ADAMTS16: variants seen among roughly 807,000 people sequenced by gnomAD.
ADAMTS16 encodes ADAM metallopeptidase with thrombospondin type 1 motif 16, also known as A disintegrin and metalloproteinase with thrombospondin motifs 16.
A neutral mutation model predicts 145.8 loss-of-function variants in ADAMTS16; 94 were observed. The ratio of observed to expected loss-of-function variants is 0.64; its 90% CI spans 0.55 to 0.77. The LOEUF (loss-of-function observed/expected upper bound fraction) is 0.77. ADAMTS16 is among the 30% of genes least tolerant of loss of function. ADAMTS16 has a pLI of 0.00. For synonymous variants in ADAMTS16, 659 were observed against 604.3 expected, an observed-to-expected ratio of 1.09 and a Z score of -1.33; for missense variants, 1,585 against 1,591.5, an observed-to-expected ratio of 1.00 and a Z score of 0.07.
At chr5:5,215,925 TTTGTCCAC>T (rs1468383628) in intron 10 of ADAMTS16, among the ~76,000 whole-genome samples, 1 of 142,050 alleles carries the variant, frequency 7.0e-6, no homozygotes, top group Non-Finnish European at 1.5e-5. Flanking sequence ...TCACAGTTTC[TTTGTCCAC>T]TTGTTGATTG....
At chr5:5,148,222 G>A (rs1734355810) in intron 3 of ADAMTS16, among the ~76,000 whole-genome samples, 1 of 152,120 alleles carries the variant, frequency 6.6e-6, no homozygotes, top group Non-Finnish European at 1.5e-5. Context: ...TTTGTCCATA[G>A]ATGGTCACTA....
chr5:5,318,005 C>A, intron 21 of ADAMTS16, 129 bp from the exon 22 acceptor site: 1 of 1,068,596 alleles, frequency 9.4e-7, no homozygotes, highest in Non-Finnish European at 1.2e-6. Context: ...CTCCACCTGC[C>A]TCTGCGACTA....
At chr5:5,284,082 G>C (rs529934700) in intron 18 of ADAMTS16, among the ~76,000 whole-genome samples, 1 of 152,156 alleles carries the variant, frequency 6.6e-6, no homozygotes, top group African/African-American at 2.4e-5. Flanking sequence ...CTATATGACT[G>C]TCTTCTTTTT....
intron 14 of ADAMTS16, among the ~76,000 whole-genome samples, chr5:5,237,945 GT>G (rs1336202939): frequency 6.6e-6 from 1 of 152,172 alleles, no homozygotes; most frequent in African/African-American, 2.4e-5. Context: ...AGACAATGGG[GT>G]TTCAAATGAA....
intron 18 of ADAMTS16, among the ~76,000 whole-genome samples, chr5:5,284,151 T>G (rs982184407): frequency 1.3e-5 from 2 of 152,244 alleles, no homozygotes; most frequent in African/African-American, 4.8e-5. Context: ...TATAGTTGCC[T>G]CTACAATTTA....
intron 3 of ADAMTS16, among the ~76,000 whole-genome samples, chr5:5,165,063 T>C (rs1375948150): frequency 1.3e-5 from 2 of 152,086 alleles, no homozygotes; most frequent in African/African-American, 4.8e-5. Context: ...AGTTCAGTCT[T>C]AGATTATTTC....
At chr5:5,181,580 A>G (rs1735340414) in intron 3 of ADAMTS16, among the ~76,000 whole-genome samples, 1 of 152,230 alleles carries the variant, frequency 6.6e-6, no homozygotes, top group Admixed American at 6.5e-5. Flanking sequence ...AGAAAGTGTT[A>G]CATTTGCTTT....
intron 3 of ADAMTS16, among the ~76,000 whole-genome samples, chr5:5,155,111 G>A (rs1307769305): frequency 6.6e-6 from 1 of 152,198 alleles, no homozygotes; most frequent in East Asian, 1.9e-4. Context: ...GAGGTTTAAC[G>A]AGAGCAGCCT....
intron 8 of ADAMTS16, among the ~76,000 whole-genome samples, chr5:5,194,574 A>G (rs1415370788): frequency 6.6e-6 from 1 of 152,210 alleles, no homozygotes; most frequent in Non-Finnish European, 1.5e-5. Context: ...TTTCAAATGA[A>G]TTGTTAGCTG....
chr5:5,220,284 C>T lies in ADAMTS16; in HGVS notation c.1606-2505C>T, dbSNP rs183447515. Among the ~76,000 whole-genome samples the T allele has an allele frequency of 7.6e-3, 1,150 of 150,808 alleles. 15 individuals carry two copies. The highest frequency in any genetic ancestry group is 0.026 in the African/African-American group (1,053 of 41,060). On this transcript the variant is annotated intron_variant, in intron 10 of 22. Coordinates refer to ENST00000274181, the MANE Select transcript of ADAMTS16 (RefSeq NM_139056.4). ...ACGCCATTCTCCTGACTCAGCCTCC[C>T]GAGTAGCTGGGACTACAGGCACCCG...
intron 18 of ADAMTS16, among the ~76,000 whole-genome samples, chr5:5,272,224 C>A (rs754086217): frequency 1.8e-4 from 28 of 152,160 alleles, no homozygotes; most frequent in Non-Finnish European, 3.1e-4. Context: ...ATTTAATTAT[C>A]TAAGTAGCTG....
chr5:5,249,446 G>T (rs527408127), intron 17 of ADAMTS16, among the ~76,000 whole-genome samples: 1 of 152,050 alleles, frequency 6.6e-6, no homozygotes, highest in African/African-American at 2.4e-5. Context: ...CATGAGACCC[G>T]TGAAGGGGGT....
In ADAMTS16 at chr5:5,182,045, C is replaced by A; in HGVS notation, c.503C>A (p.Ser168Ter). 6.3e-7 allele frequency: 1 copy of A among 1,585,386 alleles called. No homozygotes were observed. The highest frequency in any genetic ancestry group is 1.1e-5 in the South Asian group (1 of 87,422). The change falls in exon 4 of 23, where the codon TCA becomes TAA. Residue 168 changes from serine to a stop codon, truncating the protein, a stop_gained and splice_region_variant. Transcript: ENST00000274181. LOFTEE classifies it high-confidence loss of function. ...TTTCTTTCCTTTTATTTTTTCCAGTCAGGCATGATACGAACAGAAGAGGCA... is the reference window on the plus strand; with the variant it reads ...TTTCTTTCCTTTTATTTTTTCCAGTAAGGCATGATACGAACAGAAGAGGCA... ...SVALSTCQGL[S>*]GMIRTEEADY...
rs367874579 is a variant in ADAMTS16 at position 5,232,575 on chromosome 5, C to T, written c.1850+59C>T. 1.6e-4 allele frequency: 249 copies of T among 1,564,420 alleles called. No individual in the cohort carries two copies. In the African/African-American group the frequency reaches 3.0e-3, roughly 19 times the overall value. ...ACTGATTTCCATGCCATGAACCCTC[C>T]AAGCAGTATGCCTGTGTCTCAGCTC... On this transcript the variant is annotated intron_variant, in intron 12 of 22. Transcript: ENST00000274181.
At chr5:5,196,971 G>T (rs1735822771) in intron 8 of ADAMTS16, among the ~76,000 whole-genome samples, 1 of 152,168 alleles carries the variant, frequency 6.6e-6, no homozygotes, top group South Asian at 2.1e-4. Flanking sequence ...ATTTCCCTCA[G>T]TTCCCCGCAA....
intron 10 of ADAMTS16, among the ~76,000 whole-genome samples, chr5:5,211,303 A>C (rs1281635173): frequency 2.0e-5 from 3 of 152,172 alleles, no homozygotes; most frequent in African/African-American, 7.2e-5. Flanking sequence ...ATTTCATTGG[A>C]AAAAGTAAAG....
In ADAMTS16 at chr5:5,151,151, A is replaced by C. The variant is rs1230566160; in HGVS notation, c.501+4696A>C. Among the ~76,000 whole-genome samples the C allele has an allele frequency of 2.6e-5, 4 of 151,812 alleles. No individual in the cohort carries two copies. The South Asian group carries it at 6.2e-4, about 24-fold the overall frequency. On this transcript the variant is annotated intron_variant, in intron 3 of 22. Coordinates refer to ENST00000274181, the MANE Select transcript of ADAMTS16 (RefSeq NM_139056.4). The stretch of plus-strand genomic sequence containing the variant: ...CAAAATTTTTATTTCTTTCTTTTAA[A>C]AATGTACCTTCATTCAAATTCTCTG...
intron 8 of ADAMTS16, among the ~76,000 whole-genome samples, chr5:5,192,914 C>T (rs2126579508): frequency 6.6e-6 from 1 of 152,276 alleles, no homozygotes; most frequent in South Asian, 2.1e-4. Context: ...AATACCAGAA[C>T]CACCAACTGG....
chr5:5,304,346 C>T (rs1739932337), intron 20 of ADAMTS16, among the ~76,000 whole-genome samples: 1 of 152,108 alleles, frequency 6.6e-6, no homozygotes, highest in South Asian at 2.1e-4. Context: ...ATGGGAATAA[C>T]GTTGGAATCA....
Sources: gnomAD v4.1 joint callset for allele counts (sites outside exome capture counted in the v4.1 genomes callset) on GRCh38, gnomAD v4.1.1 for gene constraint, MANE v1.5 for transcripts, NCBI Gene and HGNC (gene_info 2026-07-23, HGNC 2026-07-21) for gene names.